Variants in CNTNAP4 observed in about 807,000 individuals in gnomAD.
CNTNAP4 encodes contactin associated protein family member 4.
A neutral mutation model predicts 148.4 loss-of-function variants in CNTNAP4; 98 were observed. The observed-to-expected ratio is 0.66, with a 90% confidence interval of 0.56 to 0.78. CNTNAP4 has a LOEUF of 0.78. Ranked by LOEUF, CNTNAP4 falls within the 30% of genes least tolerant of loss-of-function variation. CNTNAP4 has a pLI of 0.00. For missense variants in CNTNAP4, 1,935 were observed against 1,565.6 expected (o/e 1.24, Z -3.98); for synonymous variants, 730 against 565.1 (o/e 1.29, Z -4.14).
chr16:76,277,874 A>G (rs1298390509), intron 1 of CNTNAP4, 127 bp downstream of exon 1: 3 of 679,010 alleles, frequency 4.4e-6, no homozygotes, highest in East Asian at 5.4e-5. Context: ...ACCAAGCATC[A>G]CTTAAAAATC....
At chr16:76,461,789 A>G (rs1159881034) in intron 8 of CNTNAP4, among the ~76,000 whole-genome samples, 167 bp from the exon 9 acceptor site, 1 of 152,176 alleles carries the variant, frequency 6.6e-6, no homozygotes, top group Non-Finnish European at 1.5e-5. Context: ...CACATAGAGG[A>G]TGCTCATTTC....
At chr16:76,316,172 T>A (rs1052675048) in intron 1 of CNTNAP4, 9 of 567,282 alleles carry the variant, frequency 1.6e-5, no homozygotes, top group South Asian at 2.5e-5. Flanking sequence ...CTTAAGATAT[T>A]GTTTTATTAT....
At chr16:76,387,259 C>G (rs2016592458) in intron 3 of CNTNAP4, among the ~76,000 whole-genome samples, 1 of 152,094 alleles carries the variant, frequency 6.6e-6, no homozygotes, top group Admixed American at 6.6e-5. Context: ...TTTGAAAATC[C>G]ATTAGGACAC....
At chr16:76,533,063 A>G (rs115555697) in intron 17 of CNTNAP4, among the ~76,000 whole-genome samples, 2,288 of 152,282 alleles carry the variant, frequency 0.015, 59 homozygotes, top group African/African-American at 0.052. Flanking sequence ...ACTATTGACA[A>G]TAGCCAAGAT....
intron 1 of CNTNAP4, among the ~76,000 whole-genome samples, chr16:76,282,411 C>T (rs1958722093): frequency 1.3e-5 from 2 of 151,824 alleles, no homozygotes; most frequent in South Asian, 4.1e-4. Flanking sequence ...CAAGTAATTG[C>T]AACTTAGATG....
At chr16:76,411,656 T>A (rs1288665828) in intron 3 of CNTNAP4, among the ~76,000 whole-genome samples, 2 of 151,502 alleles carry the variant, frequency 1.3e-5, no homozygotes, top group African/African-American at 4.8e-5. Context: ...AAATAGAATT[T>A]TAATGAGGTA....
chr16:76,553,278 T>G lies in CNTNAP4; in HGVS notation c.3443-5T>G. The G allele has an allele frequency of 6.4e-7, 1 of 1,571,102 alleles. No individual in the cohort carries two copies. Among genetic ancestry groups the G allele is most frequent in the Non-Finnish European group, 8.7e-7 (1 of 1,146,504 alleles). On this transcript the variant is annotated splice_region_variant and splice_polypyrimidine_tract_variant and intron_variant, in intron 21 of 23. Transcript: ENST00000611870. ...TAATATTTCGGTGTTTCTTTGAATT[T>G]CTAGAACACAGTGATGTGGACCAGG... is the stretch of plus-strand genomic sequence containing the variant.
chr16:76,453,257 A>G (rs950705482), intron 8 of CNTNAP4, among the ~76,000 whole-genome samples: 1 of 152,214 alleles, frequency 6.6e-6, no homozygotes, highest in African/African-American at 2.4e-5. Flanking sequence ...CTGATGTCTT[A>G]TGTAAAGAGT....
At position 76,479,881 on chromosome 16, in the gene CNTNAP4, C is replaced by G. The variant is rs2081751272; in HGVS notation, c.1882+343C>G. ...ATGTATGTAAACATAAAGTTTACGTCTTCTTGTATTCTTACATAAATTTAC... is the reference window on the plus strand; with the variant it reads ...ATGTATGTAAACATAAAGTTTACGTGTTCTTGTATTCTTACATAAATTTAC... On this transcript the variant is annotated intron_variant, in intron 12 of 23. Coordinates refer to ENST00000611870, the MANE Select transcript of CNTNAP4 (RefSeq NM_033401.5). 2.6e-5 allele frequency among the ~76,000 whole-genome samples: 4 copies of G among 152,000 alleles called. 1 individual carries two copies. Among genetic ancestry groups the G allele is most frequent in the Admixed American group, 2.6e-4 (4 of 15,252 alleles).
At position 76,493,761 on chromosome 16, in the gene CNTNAP4, A is replaced by G. The variant is rs142840106; in HGVS notation, c.2081-1149A>G. Among the ~76,000 whole-genome samples, 907 of 152,352 alleles carry G rather than the reference A, an allele frequency of 6.0e-3. 31 individuals are homozygous for G. Among genetic ancestry groups the G allele is most frequent in the Admixed American group, 0.053 (814 of 15,294 alleles). ...ATTCTTCATATTAATGCATTTATGC[A>G]TAACACAGCTTCTAATAACTCTTTG... On this transcript the variant is annotated intron_variant, in intron 13 of 23. Coordinates refer to ENST00000611870, the MANE Select transcript of CNTNAP4 (RefSeq NM_033401.5).
At chr16:76,361,824 G>A (rs2013475393) in intron 3 of CNTNAP4, among the ~76,000 whole-genome samples, 1 of 152,088 alleles carries the variant, frequency 6.6e-6, no homozygotes, top group African/African-American at 2.4e-5. Context: ...TCTTGTCACT[G>A]CTTGTTATCT....
intron 4 of CNTNAP4, among the ~76,000 whole-genome samples, chr16:76,434,908 T>A (rs2079761425): frequency 6.6e-6 from 1 of 152,150 alleles, no homozygotes. Flanking sequence ...CTGACCTCCA[T>A]AAGCCCCTAC....
intron 1 of CNTNAP4, among the ~76,000 whole-genome samples, chr16:76,309,396 C>G (rs1344182821): frequency 6.6e-6 from 1 of 152,076 alleles, no homozygotes; most frequent in Non-Finnish European, 1.5e-5. Flanking sequence ...GGAGAGGAAA[C>G]TTTACACTGG....
At chr16:76,342,819 TG>T (rs762911179) in intron 2 of CNTNAP4, among the ~76,000 whole-genome samples, 4 of 152,198 alleles carry the variant, frequency 2.6e-5, no homozygotes, top group Non-Finnish European at 4.4e-5. Flanking sequence ...TAAGTATCTG[TG>T]GGTTACAAAT....
At chr16:76,436,415 G>A (rs970090895) in intron 4 of CNTNAP4, among the ~76,000 whole-genome samples, 1 of 152,094 alleles carries the variant, frequency 6.6e-6, no homozygotes, top group Non-Finnish European at 1.5e-5. Flanking sequence ...TGGCAAGGCT[G>A]TGCATCCACC....
intron 3 of CNTNAP4, among the ~76,000 whole-genome samples, chr16:76,412,906 C>G (rs1195676105): frequency 6.6e-6 from 1 of 151,364 alleles, no homozygotes; most frequent in Non-Finnish European, 1.5e-5. Context: ...TACTGTTTTG[C>G]CTTTCACATT....
At chr16:76,386,801 G>C (rs2016553033) in intron 3 of CNTNAP4, among the ~76,000 whole-genome samples, 2 of 152,152 alleles carry the variant, frequency 1.3e-5, no homozygotes, top group South Asian at 4.1e-4. Flanking sequence ...GATGATCATA[G>C]TAAGATTACC....
intron 1 of CNTNAP4, among the ~76,000 whole-genome samples, chr16:76,291,599 G>C (rs943140783): frequency 1.3e-5 from 2 of 152,112 alleles, no homozygotes; most frequent in African/African-American, 4.8e-5. Context: ...CTCAAAAGTT[G>C]ATTGTACAGT....
At chr16:76,344,274 T>C (rs768527613) in intron 2 of CNTNAP4, among the ~76,000 whole-genome samples, 3 of 152,186 alleles carry the variant, frequency 2.0e-5, no homozygotes, top group Admixed American at 6.5e-5. Flanking sequence ...GAATGTGAAG[T>C]GATTCTGCCC....
Sources: gnomAD v4.1 joint callset for allele counts (sites outside exome capture counted in the v4.1 genomes callset) on GRCh38, gnomAD v4.1.1 for gene constraint, MANE v1.5 for transcripts, NCBI Gene and HGNC (gene_info 2026-07-23, HGNC 2026-07-21) for gene names.